Variants in RGPD4 observed in about 807,000 individuals in gnomAD.
RGPD4 encodes the protein RANBP2 like and GRIP domain containing 4.
In RGPD4, 84 loss-of-function variants were observed where a neutral mutation model predicts 141.1. The observed-to-expected ratio is 0.60, with a 90% CI of 0.50 to 0.71. The LOEUF (loss-of-function observed/expected upper bound fraction) is 0.71, where lower values mean the gene tolerates loss of function less well. Ranked by LOEUF, RGPD4 falls within the 30% of genes least tolerant of loss-of-function variation. RGPD4 has a pLI of 0.00. For missense variants in RGPD4, 918 were observed against 1,622.4 expected (o/e 0.57, Z 7.46); for synonymous variants, 298 against 566.8 (o/e 0.53, Z 6.74).
chr2:107,877,342 T>A (rs2104509648), intron 20 of RGPD4, among the ~76,000 whole-genome samples: 2 of 151,360 alleles, frequency 1.3e-5, no homozygotes, highest in South Asian at 4.2e-4. Context: ...GCCACTGCAC[T>A]CCAACCTGTG....
At position 107,854,699 on chromosome 2, in the gene RGPD4, G is replaced by A. The variant is rs1170123669; in HGVS notation, c.1066+56G>A. Reference sequence around the variant, plus strand: ...AAAAGAAAAAGGAATTTCTGTTAAGGCATATCTTATGATAAAATCTCCATC... The same window carrying A: ...AAAAGAAAAAGGAATTTCTGTTAAGACATATCTTATGATAAAATCTCCATC... On this transcript the variant is annotated intron_variant, in intron 8 of 22. Coordinates refer to ENST00000408999, the MANE Select transcript of RGPD4 (RefSeq NM_182588.3). 27 of 1,562,564 alleles carry A rather than the reference G, an allele frequency of 1.7e-5. No homozygotes were observed. The East Asian group carries it at 5.5e-4, about 32-fold the overall frequency.
At chr2:107,873,611 A>G in intron 20 of RGPD4, among the ~76,000 whole-genome samples, 2 of 149,312 alleles carry the variant, frequency 1.3e-5, no homozygotes, top group African/African-American at 5.0e-5. Context: ...TATGATATTG[A>G]GATGTTCTCA....
intron 9 of RGPD4, among the ~76,000 whole-genome samples, chr2:107,857,272 G>T (rs1260880509): frequency 1.3e-5 from 2 of 151,586 alleles, no homozygotes; most frequent in African/African-American, 2.4e-5. Flanking sequence ...CAAGTAGCGG[G>T]ATTACAAATG....
chr2:107,888,782 G>A (rs1321180471), intron 22 of RGPD4, among the ~76,000 whole-genome samples: 1 of 108,786 alleles, frequency 9.2e-6, no homozygotes, highest in Non-Finnish European at 1.9e-5. Context: ...CATCAGTTTA[G>A]CAGCCTTGAG....
At chr2:107,831,636 C>T (rs190165153) in intron 1 of RGPD4, among the ~76,000 whole-genome samples, 4,186 of 108,428 alleles carry the variant, frequency 0.039, 98 homozygotes, top group Middle Eastern at 0.064. Context: ...AGTGTAGTGG[C>T]GCGATCTCGG....
Position 107,871,435 on chromosome 2 carries a change from T to C in RGPD4, c.3431T>C (p.Leu1144Pro), listed in dbSNP as rs533673937. Residue 1144 changes from leucine (L) to proline (P), a missense_variant, in exon 20 of 23, where the codon CTA becomes CCA. Transcript: ENST00000408999. Reference protein sequence around the residue: ...ASDFSDGDAKLERLAAKFKTP... With the variant: ...ASDFSDGDAKPERLAAKFKTP... ...GATTTCTCTGATGGTGATGCCAAAC[T>C]AGAGCGGTTAGCAGCAAAATTTAAA... The C allele has an allele frequency of 9.0e-7, 1 of 1,105,982 alleles. No individual in the cohort carries two copies. The highest frequency in any genetic ancestry group is 2.3e-5 in the East Asian group (1 of 43,168). The allele number at this position is 1,105,982 out of a possible 1,614,324, so 68.5% of individuals were successfully genotyped here.
chr2:107,857,975 C>T lies in RGPD4; in HGVS notation c.1276+1006C>T, dbSNP rs1036064124. ...CTGCACTACAGCCTGGGCGACAGAG[C>T]GAGACTTCGTCTCAAAAACAAAAAG... On this transcript the variant is annotated intron_variant, in intron 9 of 22. Coordinates refer to ENST00000408999, the MANE Select transcript of RGPD4 (RefSeq NM_182588.3). 3.9e-5 allele frequency among the ~76,000 whole-genome samples: 6 copies of T among 152,006 alleles called. 1 individual carries two copies. Among genetic ancestry groups the T allele is most frequent in the South Asian group, 2.1e-4 (1 of 4,832 alleles).
At chr2:107,858,055 G>T (rs1188436576) in intron 9 of RGPD4, among the ~76,000 whole-genome samples, 1 of 151,306 alleles carries the variant, frequency 6.6e-6, no homozygotes, top group Non-Finnish European at 1.5e-5. Context: ...CATCTAAATG[G>T]TTATGTATGA....
Position 107,890,862 on chromosome 2 carries a change from C to A in RGPD4, c.*131C>A, listed in dbSNP as rs1049941611. ...AAAAATGGTTCATGTGTATTACCAT[C>A]ATTCTTTTGTCAAAAAGTGTGTATA... On this transcript the variant is annotated 3_prime_UTR_variant, in exon 23 of 23. Transcript: ENST00000408999. The A allele has an allele frequency of 1.1e-5, 11 of 1,039,248 alleles. No homozygotes were observed. Among genetic ancestry groups the A allele is most frequent in the African/African-American group, 3.3e-5 (2 of 60,904 alleles). The allele number at this position is 1,039,248 out of a possible 1,614,324, so 64.4% of individuals were successfully genotyped here.
intron 1 of RGPD4, among the ~76,000 whole-genome samples, chr2:107,834,392 A>G (rs1681598412): frequency 6.6e-6 from 1 of 151,486 alleles, no homozygotes; most frequent in South Asian, 2.1e-4. Flanking sequence ...GGAAGATTAT[A>G]TAAATAAACA....
chr2:107,831,827 T>C (rs1397023025), intron 1 of RGPD4, among the ~76,000 whole-genome samples: 1 of 144,132 alleles, frequency 6.9e-6, no homozygotes, highest in Non-Finnish European at 1.5e-5. Flanking sequence ...CGCCTCAGCC[T>C]CCCAAAGTGC....
At chr2:107,874,517 T>C (rs1683033623) in intron 20 of RGPD4, among the ~76,000 whole-genome samples, 1 of 139,744 alleles carries the variant, frequency 7.2e-6, no homozygotes, top group Non-Finnish European at 1.5e-5. Context: ...TTTTTAAGTA[T>C]ACCAGTTTTA....
chr2:107,870,904 G>A lies in RGPD4; in HGVS notation c.2900G>A (p.Ser967Asn). Reference protein sequence around the residue: ...NGRGVIFGQTSSTFTFADVAK... With the variant: ...NGRGVIFGQTNSTFTFADVAK... ...CGTGGTGTGATTTTTGGCCAAACAA[G>A]TAGCACTTTTACATTTGCAGATGTT... The change falls in exon 20 of 23, where the codon AGT (serine) becomes AAT (asparagine). Residue 967 changes from serine to asparagine, a missense_variant. Transcript: ENST00000408999. 4.3e-6 allele frequency: 7 copies of A among 1,609,798 alleles called. 1 individual carries two copies. The highest frequency in any genetic ancestry group is 2.3e-4 in the Middle Eastern group (1 of 4,424).
intron 20 of RGPD4, among the ~76,000 whole-genome samples, chr2:107,878,659 GGATGGATGA>G (rs1405519603): frequency 8.6e-6 from 1 of 116,890 alleles, no homozygotes; most frequent in Non-Finnish European, 1.8e-5. Flanking sequence ...ATGGTTGGAT[GGATGGATGA>G]GATGGATGGA....
rs750673618 is a variant in RGPD4 at position 107,871,440 on chromosome 2, C to T, written c.3436C>T (p.Arg1146Trp). 1.6e-4 allele frequency: 172 copies of T among 1,100,022 alleles called. 2 individuals are homozygous for T. The highest frequency in any genetic ancestry group is 3.3e-4 in the South Asian group (21 of 63,654). The allele number at this position is 1,100,022 out of a possible 1,614,324, so 68.1% of individuals were successfully genotyped here. A position where few individuals can be genotyped will look rare whatever the true frequency, so the allele number is the denominator to read the frequency against. The part of the protein sequence containing the change: ...DFSDGDAKLE[R>W]LAAKFKTPEL... ...CTCTGATGGTGATGCCAAACTAGAG[C>T]GGTTAGCAGCAAAATTTAAAACACC... The change falls in exon 20 of 23, where the codon CGG becomes TGG. Residue 1146 changes from arginine (R) to tryptophan (W), a missense_variant. Transcript: ENST00000408999.
At chr2:107,890,548 CAAAAAA>C (rs1210623696) in intron 22 of RGPD4, among the ~76,000 whole-genome samples, 167 bp from the exon 23 acceptor site, 6 of 16,282 alleles carry the variant, frequency 3.7e-4, no homozygotes, top group African/African-American at 1.4e-3. Context: ...GACCCTGTCT[CAAAAAA>C]AAAAAAAAAA....
intron 22 of RGPD4, among the ~76,000 whole-genome samples, chr2:107,890,484 G>T (rs1675624387): frequency 7.5e-6 from 1 of 133,152 alleles, no homozygotes; most frequent in African/African-American, 2.9e-5. Context: ...GGGAGATCAA[G>T]GCTGCACTGA....
At position 107,827,068 on chromosome 2, in the gene RGPD4, GC is replaced by G. The variant is rs759494721; in HGVS notation, c.59del (p.Pro20ArgfsTer70). 1.3e-6 allele frequency: 2 copies of G among 1,592,140 alleles called. No homozygotes were observed. The highest frequency in any genetic ancestry group is 2.3e-5 in the East Asian group (1 of 44,030). ...GTACGTCGCCTCCGTGCAGGGCTCC[GC>G]CCCGTCGCCTCGAAAGGTGAGTGGA... ...ERYVASVQGS[A>X]PSPRKKSTRG... On this transcript the variant is annotated frameshift_variant, in exon 1 of 23. Transcript: ENST00000408999. LOFTEE classifies it high-confidence loss of function.
chr2:107,884,899 G>C (rs1675467562), intron 22 of RGPD4, among the ~76,000 whole-genome samples: 1 of 151,750 alleles, frequency 6.6e-6, no homozygotes, highest in Non-Finnish European at 1.5e-5. Context: ...GAAAACCCCT[G>C]GTCTAGAGGC....
Sources: allele counts gnomAD v4.1 joint callset (sites outside exome capture counted in the v4.1 genomes callset), GRCh38; gene constraint gnomAD v4.1.1; transcripts MANE v1.5; gene names NCBI Gene and HGNC (gene_info 2026-07-23, HGNC 2026-07-21).